SCML2: variants seen among roughly 807,000 people sequenced by gnomAD.
The protein encoded by SCML2 is sex comb on midleg-like protein 2.
SCML2 carries 6 observed loss-of-function variants against 48.4 expected under a neutral mutation model. That is an observed-to-expected ratio of 0.12 (90% CI 0.07 to 0.24). The LOEUF (loss-of-function observed/expected upper bound fraction) is 0.24. Ranked by LOEUF, SCML2 falls within the 10% of genes least tolerant of loss-of-function variation. The pLI, the probability that SCML2 is intolerant of heterozygous loss-of-function variation, is 1.00. For synonymous variants in SCML2, 181 were observed against 189.5 expected (o/e 0.95, Z 0.37); for missense variants, 377 against 528.2 (o/e 0.71, Z 2.81).
intron 7 of SCML2, among the ~76,000 whole-genome samples, chrX:18,280,111 A>G (rs1205490608): frequency 1.8e-5 from 2 of 111,744 alleles, no homozygotes; most frequent in African/African-American, 6.5e-5. Context: ...AGGCAGCCAG[A>G]AATAAGGGTC....
chrX:18,311,154 CTTATTT>C (rs1470283448), intron 6 of SCML2, among the ~76,000 whole-genome samples: 1 of 111,981 alleles, frequency 8.9e-6, no homozygotes, highest in African/African-American at 3.2e-5. Context: ...CTTCTATCTC[CTTATTT>C]TTAATCAACT....
intron 3 of SCML2, among the ~76,000 whole-genome samples, chrX:18,325,307 T>A (rs957094123): frequency 1.8e-5 from 2 of 112,242 alleles, no homozygotes; most frequent in African/African-American, 6.5e-5. Context: ...TAGCGAAGTC[T>A]ACCCATCTGT....
intron 11 of SCML2, among the ~76,000 whole-genome samples, chrX:18,254,271 A>C (rs889306399): frequency 1.8e-5 from 2 of 112,336 alleles, no homozygotes; most frequent in African/African-American, 3.2e-5. Context: ...ACTTATTTTA[A>C]AAAATGTAAG....
At chrX:18,319,602 A>AAC (rs1214603584) in intron 6 of SCML2, among the ~76,000 whole-genome samples, 10 of 108,445 alleles carry the variant, frequency 9.2e-5, no homozygotes, top group African/African-American at 3.4e-4. Flanking sequence ...TCTCAAAAAA[A>AAC]AAAAACAAAA....
chrX:18,246,915 T>C (rs1263925135), intron 12 of SCML2, 87 bp from the exon 13 acceptor site: 5 of 941,081 alleles, frequency 5.3e-6, no homozygotes, highest in Non-Finnish European at 7.3e-6. Flanking sequence ...TCCCTAGCAA[T>C]AGTTCACTTA....
intron 1 of SCML2, among the ~76,000 whole-genome samples, chrX:18,353,911 A>G (rs896849898): frequency 2.7e-5 from 3 of 113,149 alleles, no homozygotes; most frequent in Admixed American, 9.2e-5. Context: ...AAGTGACGGC[A>G]GCAACTTTTT....
chrX:18,259,918 TCTTA>T (rs1926999082), intron 9 of SCML2, among the ~76,000 whole-genome samples: 1 of 111,799 alleles, frequency 8.9e-6, no homozygotes. Flanking sequence ...ATTGCATAAA[TCTTA>T]CTTAAATGGA....
intron 10 of SCML2, 122 bp downstream of exon 10, chrX:18,257,922 G>T (rs1332906710): frequency 7.0e-6 from 3 of 428,713 alleles, no homozygotes; most frequent in Admixed American, 4.0e-5. Flanking sequence ...AAGGGCGGGG[G>T]AGGGGGAAGG....
At chrX:18,341,543 A>C (rs1407238279) in intron 1 of SCML2, among the ~76,000 whole-genome samples, 1 of 111,854 alleles carries the variant, frequency 8.9e-6, no homozygotes, top group Non-Finnish European at 1.9e-5. Flanking sequence ...TATTATAGAA[A>C]ATTATTTGCG....
chrX:18,339,958 A>T (rs1459836117), intron 1 of SCML2, among the ~76,000 whole-genome samples: 1 of 112,223 alleles, frequency 8.9e-6, no homozygotes, highest in Admixed American at 9.5e-5. Context: ...TTAAAAAATC[A>T]TATATGTAAA....
At chrX:18,275,069 ACC>A (rs765279214) in intron 7 of SCML2, among the ~76,000 whole-genome samples, 12 of 111,610 alleles carry the variant, frequency 1.1e-4, no homozygotes, top group Non-Finnish European at 2.1e-4. Context: ...GAGCTGTCCC[ACC>A]TTTCTGGACC....
intron 1 of SCML2, among the ~76,000 whole-genome samples, chrX:18,345,340 T>C (rs1930163312): frequency 8.9e-6 from 1 of 111,825 alleles, no homozygotes; most frequent in Admixed American, 9.6e-5. Context: ...AACTCTGCTG[T>C]GCTATAGGCT....
rs1929947773 is a variant in SCML2 at position 18,339,581 on chromosome X, C to G, written c.-24-5486G>C. Reference sequence around the variant, plus strand: ...ATAAAATAATTAGCCGGGCGTGGTACAGCACACCTACAGTCCCAGCTACCT... The same window carrying G: ...ATAAAATAATTAGCCGGGCGTGGTAGAGCACACCTACAGTCCCAGCTACCT... On this transcript the variant is annotated intron_variant, in intron 1 of 14. Coordinates refer to ENST00000251900, the MANE Select transcript of SCML2 (RefSeq NM_006089.3). 2.7e-5 allele frequency among the ~76,000 whole-genome samples: 3 copies of G among 110,980 alleles called. No homozygotes were observed. The South Asian group carries it at 1.1e-3, about 42-fold the overall frequency.
In SCML2 at chrX:18,283,102, C is replaced by T. The variant is rs749243598; in HGVS notation, c.731-17300G>A. ...AGCACATCAAAAAGTTAATTCACCA[C>T]GATCAAGCAGGCTTTATTCCTGGGA... On this transcript the variant is annotated intron_variant, in intron 7 of 14. Transcript: ENST00000251900. 3.6e-5 allele frequency among the ~76,000 whole-genome samples: 4 copies of T among 112,031 alleles called. No homozygotes were observed. The East Asian group carries it at 1.1e-3, about 31-fold the overall frequency.
chrX:18,314,868 C>T (rs4462028), intron 6 of SCML2, among the ~76,000 whole-genome samples: 155 of 110,882 alleles, frequency 1.4e-3, no homozygotes, highest in African/African-American at 4.6e-3. Context: ...GTGGGTGGAT[C>T]ATTTGAGGTT....
At chrX:18,288,387 C>A (rs1250696561) in intron 7 of SCML2, among the ~76,000 whole-genome samples, 1 of 111,039 alleles carries the variant, frequency 9.0e-6, no homozygotes, top group African/African-American at 3.3e-5. Context: ...AGTGTCATTA[C>A]AAACTGGTGA....
chrX:18,258,831 A>C (rs1425586599), intron 9 of SCML2, among the ~76,000 whole-genome samples: 1 of 111,784 alleles, frequency 8.9e-6, no homozygotes, highest in East Asian at 2.8e-4. Context: ...TTCATGGAAG[A>C]AAATTTTAAA....
chrX:18,350,764 T>C (rs1930349256), intron 1 of SCML2, among the ~76,000 whole-genome samples: 1 of 110,528 alleles, frequency 9.0e-6, no homozygotes, highest in South Asian at 3.8e-4. Context: ...TACCACAAAC[T>C]CTTTTTATAA....
In SCML2 at chrX:18,321,388, C is replaced by A. The variant is rs536878932; in HGVS notation, c.398-968G>T. ...ATCTGTTTCATGCAACACCTGCTTG[C>A]CTCAATGCCAGAATTAGAAAGAACT... On this transcript the variant is annotated intron_variant, in intron 5 of 14. Transcript: ENST00000251900. Among the ~76,000 whole-genome samples the A allele has an allele frequency of 3.4e-3, 380 of 110,464 alleles. 1 individual carries two copies. The highest frequency in any genetic ancestry group is 6.1e-3 in the Non-Finnish European group (323 of 52,930).
Sources: allele counts gnomAD v4.1 joint callset (sites outside exome capture counted in the v4.1 genomes callset), GRCh38; gene constraint gnomAD v4.1.1; transcripts MANE v1.5; gene names NCBI Gene and HGNC (gene_info 2026-07-23, HGNC 2026-07-21).